The following C11orf65 variants were observed in gnomAD, a reference collection of about 807,000 sequenced individuals.
C11orf65 encodes the protein protein MFI.
C11orf65 carries 38 observed loss-of-function variants against 35.3 expected under a neutral mutation model. The ratio of observed to expected loss-of-function variants is 1.08; its 90% CI spans 0.83 to 1.41. The LOEUF is 1.41. Ranked by LOEUF, C11orf65 falls within the 40% of genes most tolerant of loss-of-function variation. The probability of loss-of-function intolerance (pLI) is 0.00; values close to 1 mark genes in which losing one functional copy is unlikely to be tolerated. For missense variants in C11orf65, 370 were observed against 367.1 expected (o/e 1.01, Z -0.06); for synonymous variants, 105 against 114.4 (o/e 0.92, Z 0.53).
chr11:108,453,096 A>G (rs1213298294), intron 2 of C11orf65, among the ~76,000 whole-genome samples: 1 of 98,622 alleles, frequency 1.0e-5, no homozygotes, highest in Non-Finnish European at 2.1e-5. Flanking sequence ...ACATGTATAC[A>G]TTTGTAACAA....
intron 2 of C11orf65, among the ~76,000 whole-genome samples, chr11:108,442,331 G>T (rs1415971618): frequency 6.6e-6 from 1 of 152,210 alleles, no homozygotes; most frequent in East Asian, 1.9e-4. Context: ...TATGTGAAAA[G>T]ATGAAACTTA....
At chr11:108,316,238 C>G (rs2084637919) in intron 6 of C11orf65, 2 of 990,142 alleles carry the variant, frequency 2.0e-6, no homozygotes, top group Admixed American at 4.0e-5. Context: ...ATCTGTTTTT[C>G]AGAGGATTAG....
intron 2 of C11orf65, among the ~76,000 whole-genome samples, chr11:108,438,328 G>T (rs1331271994): frequency 2.6e-5 from 4 of 152,078 alleles, no homozygotes; most frequent in African/African-American, 9.7e-5. Flanking sequence ...GAGACGGGCA[G>T]ATCACTTGAG....
intron 8 of C11orf65, among the ~76,000 whole-genome samples, chr11:108,383,376 C>G (rs1047751456): frequency 2.0e-5 from 3 of 152,198 alleles, no homozygotes; most frequent in Non-Finnish European, 4.4e-5. Context: ...CTACAAAAGG[C>G]TCTGCAGGAC....
intron 2 of C11orf65, among the ~76,000 whole-genome samples, chr11:108,357,301 C>A (rs1169973597): frequency 6.6e-6 from 1 of 152,172 alleles, no homozygotes; most frequent in East Asian, 1.9e-4. Flanking sequence ...CCTACGCCCA[C>A]GGAGTCTCGC....
intron 6 of C11orf65, among the ~76,000 whole-genome samples, chr11:108,318,864 T>G (rs2084975956): frequency 6.6e-6 from 1 of 152,118 alleles, no homozygotes; most frequent in African/African-American, 2.4e-5. Flanking sequence ...TAAGTATGTT[T>G]TGTTGCCTTT....
chr11:108,341,519 C>T (rs182145887), intron 2 of C11orf65, among the ~76,000 whole-genome samples: 27 of 152,160 alleles, frequency 1.8e-4, no homozygotes, highest in African/African-American at 5.3e-4. Context: ...ACATGTAATA[C>T]GCCCCCAACA....
intron 2 of C11orf65, among the ~76,000 whole-genome samples, chr11:108,451,391 T>C (rs1476438591): frequency 6.6e-6 from 1 of 151,934 alleles, no homozygotes; most frequent in East Asian, 1.9e-4. Flanking sequence ...AAATCATGAG[T>C]GAACTCCCAT....
chr11:108,375,963 C>T (rs571019161), intron 2 of C11orf65, among the ~76,000 whole-genome samples: 1 of 152,298 alleles, frequency 6.6e-6, no homozygotes, highest in South Asian at 2.1e-4. Flanking sequence ...GCAACCAATA[C>T]AGGAGCACCC....
chr11:108,312,792 T>A (rs1370405058), intron 6 of C11orf65, among the ~76,000 whole-genome samples: 3 of 152,216 alleles, frequency 2.0e-5, no homozygotes, highest in Non-Finnish European at 4.4e-5. Context: ...ATTTCCTTTA[T>A]AGCACTTAGG....
At chr11:108,310,046 G>A (rs2084010809) in intron 6 of C11orf65, 5 of 1,139,904 alleles carry the variant, frequency 4.4e-6, no homozygotes, top group Non-Finnish European at 5.0e-6. Context: ...TGGTTTTTGG[G>A]AATTTGTAAT....
intron 1 of C11orf65, among the ~76,000 whole-genome samples, chr11:108,465,298 T>C (rs2093521468): frequency 6.6e-6 from 1 of 152,242 alleles, no homozygotes; most frequent in Admixed American, 6.5e-5. Context: ...AAAGGGTGTT[T>C]AGAAGCTGCC....
intron 2 of C11orf65, among the ~76,000 whole-genome samples, chr11:108,445,810 G>A (rs1048317476): frequency 4.0e-5 from 6 of 150,364 alleles, no homozygotes; most frequent in South Asian, 2.3e-4. Flanking sequence ...GGCTTCAGAC[G>A]ATCAAACGAC....
intron 3 of C11orf65, among the ~76,000 whole-genome samples, chr11:108,426,193 A>T (rs2092900212): frequency 6.6e-6 from 1 of 152,216 alleles, no homozygotes; most frequent in South Asian, 2.1e-4. Context: ...AAATAGAAAG[A>T]GAGGAAGTCA....
rs926174247 is a variant in C11orf65 at position 108,377,245 on chromosome 11, A to G, written c.226+15963T>C. 2.0e-5 allele frequency among the ~76,000 whole-genome samples: 3 copies of G among 152,252 alleles called. No individual in the cohort carries two copies. The South Asian group carries it at 6.2e-4, about 32-fold the overall frequency. On this transcript the variant is annotated intron_variant, in intron 2 of 3. Coordinates refer to the C11orf65 transcript ENST00000524755. ...AAAAATCCTCAATAAAATACTGGCA[A>G]ACTGAATCCAGCAGCACATCAAAAA...
intron 2 of C11orf65, among the ~76,000 whole-genome samples, chr11:108,452,402 C>G (rs1165458837): frequency 6.6e-6 from 1 of 152,132 alleles, no homozygotes; most frequent in Non-Finnish European, 1.5e-5. Context: ...TGAAAAAATG[C>G]TCATCATCAC....
At chr11:108,326,875 G>A (rs4988107), downstream of C11orf65, among the ~76,000 whole-genome samples, 1,375 of 152,232 alleles carry the variant, frequency 9.0e-3, 20 homozygotes, top group African/African-American at 0.031. Context: ...ACCCAGGCTG[G>A]AGTGCAGTGG....
chr11:108,317,638 TATATATATATATATACACAC>T lies in C11orf65; in HGVS notation c.641-8587_641-8568del, dbSNP rs1325010774. On this transcript the variant is annotated intron_variant, in intron 6 of 6. Coordinates refer to the C11orf65 transcript ENST00000525729. Reference sequence around the variant, plus strand: ...TTTTATATATATATATATATATATATATATATATATATATACACACACACACACACACACACTATATATAT... The same window carrying T: ...TTTTATATATATATATATATATATATACACACACACACACACTATATATAT... 9.6e-4 allele frequency: 170 copies of T among 176,178 alleles called. 4 individuals carry two copies. The highest frequency in any genetic ancestry group is 5.7e-3 in the African/African-American group (158 of 27,648). The allele number at this position is 176,178 out of a possible 1,614,324, so 10.9% of individuals were successfully genotyped here. A position where few individuals can be genotyped will look rare whatever the true frequency, so the allele number is the denominator to read the frequency against.
intron 1 of C11orf65, among the ~76,000 whole-genome samples, chr11:108,465,335 TTA>T (rs2093521938): frequency 6.6e-6 from 1 of 152,234 alleles, no homozygotes; most frequent in South Asian, 2.1e-4. Context: ...AATGCCACCA[TTA>T]TATGTTTATG....
Sources: gnomAD v4.1 joint callset for allele counts (sites outside exome capture counted in the v4.1 genomes callset) on GRCh38, gnomAD v4.1.1 for gene constraint, MANE v1.5 for transcripts, NCBI Gene and HGNC (gene_info 2026-07-23, HGNC 2026-07-21) for gene names.